The following RBFOX1 variants were observed in gnomAD, a reference collection of about 807,000 sequenced individuals.
RBFOX1 encodes the protein RNA binding fox-1 homolog 1.
A neutral mutation model predicts 57.7 loss-of-function variants in RBFOX1; 8 were observed. The ratio of observed to expected loss-of-function variants is 0.14; its 90% CI spans 0.08 to 0.25. RBFOX1 has a LOEUF of 0.25. RBFOX1 is among the 10% of genes least tolerant of loss of function. RBFOX1 has a pLI of 1.00. For synonymous variants in RBFOX1, 326 were observed against 222.4 expected (o/e 1.47, Z -4.15); for missense variants, 611 against 548.5 (o/e 1.11, Z -1.14).
intron 2 of RBFOX1, among the ~76,000 whole-genome samples, chr16:6,447,495 T>C (rs550932389): frequency 6.6e-6 from 1 of 152,352 alleles, no homozygotes; most frequent in East Asian, 1.9e-4. Flanking sequence ...TCAATCATTT[T>C]AGTGCACAGG....
At chr16:6,729,526 TG>T (rs2068024521) in intron 3 of RBFOX1, among the ~76,000 whole-genome samples, 1 of 152,154 alleles carries the variant, frequency 6.6e-6, no homozygotes, top group African/African-American at 2.4e-5. Context: ...ACAAAGAAGA[TG>T]TTTATATACA....
intron 2 of RBFOX1, among the ~76,000 whole-genome samples, chr16:6,432,629 C>T (rs1385391706): frequency 6.6e-6 from 1 of 151,924 alleles, no homozygotes; most frequent in Non-Finnish European, 1.5e-5. Context: ...TTGCAGTGAG[C>T]CGAGATCGCA....
chr16:7,163,573 C>G (rs2078834892), intron 4 of RBFOX1, among the ~76,000 whole-genome samples: 1 of 152,108 alleles, frequency 6.6e-6, no homozygotes, highest in South Asian at 2.1e-4. Context: ...TCAATAAGCT[C>G]TTTCATCATC....
Position 6,859,122 on chromosome 16 carries a change from T to C in RBFOX1, c.-15-192935T>C, listed in dbSNP as rs11859537. The stretch of plus-strand genomic sequence containing the variant: ...GTCCTAAAAAAAGTGTATATATATA[T>C]ATATATACATATATATACGTATATA... On this transcript the variant is annotated intron_variant, in intron 3 of 15. Coordinates refer to ENST00000550418, the MANE Select transcript of RBFOX1 (RefSeq NM_018723.4). Among the ~76,000 whole-genome samples, 11 of 68,444 alleles carry C rather than the reference T, an allele frequency of 1.6e-4. 2 individuals carry two copies. Among genetic ancestry groups the C allele is most frequent in the African/African-American group, 9.3e-4 (10 of 10,710 alleles). The allele number at this position is 68,444 out of a possible 152,430, so 44.9% of individuals were successfully genotyped here.
chr16:7,135,398 GCA>G (rs2071639236), intron 4 of RBFOX1, among the ~76,000 whole-genome samples: 1 of 152,184 alleles, frequency 6.6e-6, no homozygotes, highest in African/African-American at 2.4e-5. Context: ...CAATGAGCAT[GCA>G]CAAAGTAAGA....
chr16:6,871,781 A>G lies in RBFOX1; in HGVS notation c.-15-180276A>G, dbSNP rs368927593. On this transcript the variant is annotated intron_variant, in intron 3 of 15. Coordinates refer to ENST00000550418, the MANE Select transcript of RBFOX1 (RefSeq NM_018723.4). The stretch of plus-strand genomic sequence containing the variant: ...GAAATTTCTACTCTACCTTCCGCTG[A>G]TTTTAGGATCAAGTCTGGAAATGTT... Among the ~76,000 whole-genome samples the G allele has an allele frequency of 3.3e-5, 5 of 152,112 alleles. 1 individual carries two copies. The East Asian group carries it at 7.8e-4, about 24-fold the overall frequency.
intron 3 of RBFOX1, among the ~76,000 whole-genome samples, chr16:6,961,547 A>C (rs1209943099): frequency 6.6e-6 from 1 of 152,210 alleles, no homozygotes; most frequent in African/African-American, 2.4e-5. Context: ...TTATTAGACG[A>C]GCGAAGAAAC....
chr16:5,592,548 C>A (rs2047044313), intron 2 of RBFOX1, among the ~76,000 whole-genome samples: 1 of 152,054 alleles, frequency 6.6e-6, no homozygotes, highest in Non-Finnish European at 1.5e-5. Flanking sequence ...TCCCCGGTAG[C>A]TGGGATTACA....
At chr16:6,174,012 A>C (rs1043828597) in intron 1 of RBFOX1, among the ~76,000 whole-genome samples, 1 of 151,996 alleles carries the variant, frequency 6.6e-6, no homozygotes, top group African/African-American at 2.4e-5. Flanking sequence ...AAATAACCCA[A>C]ATTCTCAACT....
At chr16:7,354,000 C>G (rs1327409264) in intron 4 of RBFOX1, among the ~76,000 whole-genome samples, 4 of 152,134 alleles carry the variant, frequency 2.6e-5, no homozygotes, top group Admixed American at 6.5e-5. Context: ...GAGACAGACT[C>G]TTGCTCTGTC....
chr16:7,383,517 C>G (rs2097821465), intron 4 of RBFOX1, among the ~76,000 whole-genome samples: 1 of 152,084 alleles, frequency 6.6e-6, no homozygotes, highest in Non-Finnish European at 1.5e-5. Context: ...TGGAATTCAT[C>G]TTTTGAGTTC....
chr16:7,449,532 T>C (rs2098834683), intron 4 of RBFOX1, among the ~76,000 whole-genome samples: 1 of 151,952 alleles, frequency 6.6e-6, no homozygotes, highest in African/African-American at 2.4e-5. Flanking sequence ...TATTGCCCTG[T>C]TTTGTAATTT....
intron 3 of RBFOX1, among the ~76,000 whole-genome samples, chr16:6,870,775 A>T (rs1007206523): frequency 6.6e-6 from 1 of 152,174 alleles, no homozygotes; most frequent in African/African-American, 2.4e-5. Flanking sequence ...AAACTAAACA[A>T]CTGTTTCACT....
chr16:7,568,274 G>C (rs555833371), intron 5 of RBFOX1, among the ~76,000 whole-genome samples: 11 of 152,286 alleles, frequency 7.2e-5, no homozygotes, highest in African/African-American at 2.4e-4. Flanking sequence ...TATTAAACAA[G>C]GGGTGGATTA....
intron 1 of RBFOX1, among the ~76,000 whole-genome samples, chr16:6,287,348 G>A (rs182133624): frequency 2.8e-4 from 42 of 152,210 alleles, no homozygotes; most frequent in Admixed American, 2.6e-4. Context: ...AGTGATCTTC[G>A]TTGTTTTCCC....
chr16:7,094,482 G>C (rs2151189403), intron 4 of RBFOX1, among the ~76,000 whole-genome samples: 1 of 152,166 alleles, frequency 6.6e-6, no homozygotes, highest in African/African-American at 2.4e-5. Flanking sequence ...GTGGTTCTGG[G>C]GACTGGATAG....
At chr16:7,288,661 T>A (rs556294592) in intron 4 of RBFOX1, among the ~76,000 whole-genome samples, 1 of 152,214 alleles carries the variant, frequency 6.6e-6, no homozygotes, top group African/African-American at 2.4e-5. Flanking sequence ...GCCAACATGG[T>A]GAAATGCCAT....
intron 1 of RBFOX1, among the ~76,000 whole-genome samples, chr16:5,389,347 G>A (rs2066341624): frequency 1.3e-5 from 2 of 152,116 alleles, no homozygotes; most frequent in African/African-American, 4.8e-5. Flanking sequence ...CTCTATGGAC[G>A]TTTGGGGCTG....
intron 2 of RBFOX1, among the ~76,000 whole-genome samples, chr16:6,583,494 A>G (rs1251989977): frequency 1.3e-5 from 2 of 152,244 alleles, no homozygotes; most frequent in African/African-American, 2.4e-5. Flanking sequence ...AATGGAGGAA[A>G]TAACTAGAAC....
Sources: gnomAD v4.1 joint callset for allele counts (sites outside exome capture counted in the v4.1 genomes callset) on GRCh38, gnomAD v4.1.1 for gene constraint, MANE v1.5 for transcripts, NCBI Gene and HGNC (gene_info 2026-07-23, HGNC 2026-07-21) for gene names.